CSMD3: variants seen among roughly 807,000 people sequenced by gnomAD.
CSMD3 encodes CUB and Sushi multiple domains 3, also known as CUB and sushi domain-containing protein 3.
A neutral mutation model predicts 435.2 loss-of-function variants in CSMD3; 177 were observed. The ratio of observed to expected loss-of-function variants is 0.41; its 90% CI spans 0.36 to 0.46. The LOEUF is 0.46. Among genes scored for constraint, CSMD3 ranks in the 20% least tolerant of loss-of-function variants. The probability of loss-of-function intolerance (pLI) is 0.34; values close to 1 mark genes in which losing one functional copy is unlikely to be tolerated. For synonymous variants in CSMD3, 1,656 were observed against 1,520.5 expected, an observed-to-expected ratio of 1.09 and a Z score of -2.07; for missense variants, 4,265 against 4,504.6, an observed-to-expected ratio of 0.95 and a Z score of 1.52.
rs111349310 is a variant in CSMD3, at chr8:112,718,288, T to C, written c.1973-28238A>G. Among the ~76,000 whole-genome samples the C allele has an allele frequency of 4.5e-3, 687 of 152,146 alleles. 15 individuals carry two copies. In the East Asian group the frequency reaches 0.074, roughly 16 times the overall value. ...TGTCTCTTCTATATACTATGAAGGA[T>C]ACTCTATAATATGAGTACTTTATTC... On this transcript the variant is annotated intron_variant, in intron 13 of 70. Coordinates refer to ENST00000297405, the MANE Select transcript of CSMD3 (RefSeq NM_198123.2).
intron 69 of CSMD3, 85 bp downstream of exon 69, chr8:112,231,460 A>T: frequency 1.2e-6 from 1 of 854,008 alleles, no homozygotes; most frequent in Non-Finnish European, 2.0e-6. Context: ...CAGTAAGTGT[A>T]CCTAATGTAC....
rs564233064 is a variant in CSMD3 at position 112,278,537 on chromosome 8, T to C, written c.9508+2637A>G. On this transcript the variant is annotated intron_variant, in intron 59 of 70. Transcript: ENST00000297405. ...AGCCATGAATGATGCTAGGCTCAGA[T>C]GAATGTCTTACTCTATGACTATTGG... Among the ~76,000 whole-genome samples the C allele has an allele frequency of 7.9e-5, 12 of 152,284 alleles. No individual in the cohort carries two copies. The South Asian group carries it at 1.7e-3, about 21-fold the overall frequency.
chr8:112,481,529 TA>T (rs1217137810), intron 31 of CSMD3, among the ~76,000 whole-genome samples: 1 of 152,168 alleles, frequency 6.6e-6, no homozygotes, highest in Non-Finnish European at 1.5e-5. Flanking sequence ...TGTGATATAT[TA>T]AATCAATAAT....
chr8:112,589,210 G>A (rs1830973366), intron 22 of CSMD3, among the ~76,000 whole-genome samples: 1 of 152,076 alleles, frequency 6.6e-6, no homozygotes, highest in Non-Finnish European at 1.5e-5. Flanking sequence ...TTTACAATGC[G>A]ATCCCAGTGT....
intron 27 of CSMD3, among the ~76,000 whole-genome samples, chr8:112,520,588 T>C (rs1451316256): frequency 6.6e-6 from 1 of 151,992 alleles, no homozygotes; most frequent in African/African-American, 2.4e-5. Flanking sequence ...ACAATTTGTA[T>C]CCATTTATTA....
intron 13 of CSMD3, among the ~76,000 whole-genome samples, chr8:112,730,495 T>G (rs2077052273): frequency 6.6e-6 from 1 of 152,162 alleles, no homozygotes; most frequent in Non-Finnish European, 1.5e-5. Flanking sequence ...GTAACATGTA[T>G]TTAGCTATAT....
intron 12 of CSMD3, among the ~76,000 whole-genome samples, chr8:112,814,424 T>C (rs1260128725): frequency 6.6e-6 from 1 of 152,124 alleles, no homozygotes; most frequent in Non-Finnish European, 1.5e-5. Flanking sequence ...GGGTCAGTCT[T>C]ATCTTTATGT....
chr8:112,675,878 C>G (rs1329613095), intron 16 of CSMD3, among the ~76,000 whole-genome samples: 1 of 151,924 alleles, frequency 6.6e-6, no homozygotes, highest in Non-Finnish European at 1.5e-5. Context: ...GTTGCTGGGA[C>G]CAAGATGTCA....
At chr8:112,369,700 C>T (rs1563851534) in intron 38 of CSMD3, among the ~76,000 whole-genome samples, 2 of 151,718 alleles carry the variant, frequency 1.3e-5, no homozygotes, top group South Asian at 4.2e-4. Flanking sequence ...CATCACATAC[C>T]AGGGCCTGTT....
chr8:113,260,079 C>G (rs2093414720), intron 3 of CSMD3, among the ~76,000 whole-genome samples: 1 of 152,066 alleles, frequency 6.6e-6, no homozygotes, highest in Non-Finnish European at 1.5e-5. Flanking sequence ...CCCCTTCCAC[C>G]ATAATTGTAA....
chr8:113,237,336 G>T (rs1384173046), intron 3 of CSMD3, among the ~76,000 whole-genome samples: 1 of 152,146 alleles, frequency 6.6e-6, no homozygotes, highest in Non-Finnish European at 1.5e-5. Context: ...ATTACTGCAA[G>T]TTACTGAGCA....
rs1554611986 is a variant in CSMD3 at position 113,328,727 on chromosome 8, C to CTTTT, written c.179-13935_179-13934insAAAA. Among the ~76,000 whole-genome samples the CTTTT allele has an allele frequency of 8.0e-5, 7 of 87,322 alleles. No individual in the cohort carries two copies. In the Admixed American group the frequency reaches 1.1e-3, roughly 14 times the overall value. 57.3% of individuals were successfully genotyped at this position (87,322 alleles called of 152,430 possible). A position where few individuals can be genotyped will look rare whatever the true frequency, so the allele number is the denominator to read the frequency against. ...TTTTCTTTCTTTCTTTCTTTCCTTC[C>CTTTT]TTCTTTTCTTTTTTTTTTTTTTTTT... is the stretch of plus-strand genomic sequence containing the variant. On this transcript the variant is annotated intron_variant, in intron 1 of 70. Transcript: ENST00000297405.
chr8:113,059,366 C>T (rs2088498236), intron 5 of CSMD3, among the ~76,000 whole-genome samples: 1 of 152,084 alleles, frequency 6.6e-6, no homozygotes, highest in African/African-American at 2.4e-5. Context: ...TGGAATGATC[C>T]TTTCACAGTA....
At chr8:112,624,916 T>A (rs944284842) in intron 22 of CSMD3, among the ~76,000 whole-genome samples, 2 of 152,052 alleles carry the variant, frequency 1.3e-5, no homozygotes, top group Non-Finnish European at 1.5e-5. Flanking sequence ...TTCCTGCTTG[T>A]TTCTTTTTAG....
At chr8:112,726,538 T>C (rs1778557803) in intron 13 of CSMD3, among the ~76,000 whole-genome samples, 1 of 151,912 alleles carries the variant, frequency 6.6e-6, no homozygotes, top group African/African-American at 2.4e-5. Context: ...GAAGATCATA[T>C]ATTTTTCTAA....
chr8:112,608,531 T>C (rs564468795), intron 22 of CSMD3, among the ~76,000 whole-genome samples: 8 of 151,972 alleles, frequency 5.3e-5, no homozygotes, highest in Non-Finnish European at 1.2e-4. Flanking sequence ...TTTCAAATTA[T>C]TACAAAACAA....
chr8:112,647,552 C>T (rs1275886347), intron 19 of CSMD3, among the ~76,000 whole-genome samples: 3 of 152,108 alleles, frequency 2.0e-5, no homozygotes, highest in East Asian at 1.9e-4. Flanking sequence ...ATGATCCTCC[C>T]GCCTCTGCCT....
intron 3 of CSMD3, among the ~76,000 whole-genome samples, chr8:113,222,384 T>C (rs1300228067): frequency 6.6e-6 from 1 of 151,074 alleles, no homozygotes; most frequent in Non-Finnish European, 1.5e-5. Context: ...CTTTGGAATA[T>C]TTCAATATCT....
At chr8:113,285,911 A>AT (rs2093643521) in intron 2 of CSMD3, among the ~76,000 whole-genome samples, 1 of 151,800 alleles carries the variant, frequency 6.6e-6, no homozygotes, top group Non-Finnish European at 1.5e-5. Context: ...TCCTCTATTT[A>AT]TTTTTTTACA....
Sources: gnomAD v4.1 joint callset for allele counts (sites outside exome capture counted in the v4.1 genomes callset) on GRCh38, gnomAD v4.1.1 for gene constraint, MANE v1.5 for transcripts, NCBI Gene and HGNC (gene_info 2026-07-23, HGNC 2026-07-21) for gene names.